Variants in BMPR2 observed in about 807,000 individuals in gnomAD.
BMPR2 encodes bone morphogenetic protein receptor type 2.
Under a neutral mutation model 100.8 loss-of-function variants are expected in BMPR2, and 29 were observed. The ratio of observed to expected loss-of-function variants is 0.29; its 90% CI spans 0.21 to 0.39. The LOEUF is 0.39. Among genes scored for constraint, BMPR2 ranks in the 10% least tolerant of loss-of-function variants. BMPR2 has a pLI of 1.00. For synonymous variants in BMPR2, 382 were observed against 442.3 expected (o/e 0.86, Z 1.71); for missense variants, 1,011 against 1,274.5 (o/e 0.79, Z 3.15).
In BMPR2 at chr2:202,385,913, G is replaced by A. The variant is rs191025748; in HGVS notation, c.76+8363G>A. Among the ~76,000 whole-genome samples, 3 of 152,178 alleles carry A rather than the reference G, an allele frequency of 2.0e-5. No individual in the cohort carries two copies. In the East Asian group the frequency reaches 5.8e-4, roughly 29 times the overall value. On this transcript the variant is annotated intron_variant, in intron 1 of 12. Transcript: ENST00000374580. ...CCATATTTAATACTTCTGTGCGTATGTCCTGCTTGTTGTTTGATTTATTTC... is the reference window on the plus strand; with the variant it reads ...CCATATTTAATACTTCTGTGCGTATATCCTGCTTGTTGTTTGATTTATTTC...
chr2:202,481,951 T>C (rs185736848), intron 3 of BMPR2, among the ~76,000 whole-genome samples: 14 of 152,334 alleles, frequency 9.2e-5, no homozygotes, highest in African/African-American at 3.1e-4. Context: ...CTTCAAGTAC[T>C]GAAACTCTAT....
rs1170817063 is a variant in BMPR2, at chr2:202,563,550, A to G, written c.*3604A>G. 6.6e-6 allele frequency: 1 copy of G among 152,244 alleles called. No individual in the cohort carries two copies. Among genetic ancestry groups the G allele is most frequent in the African/African-American group, 2.4e-5 (1 of 41,464 alleles). The allele number at this position is 152,244 out of a possible 1,614,324, so 9.4% of individuals were successfully genotyped here. A position where few individuals can be genotyped will look rare whatever the true frequency, so the allele number is the denominator to read the frequency against. On this transcript the variant is annotated 3_prime_UTR_variant, in exon 13 of 13. Coordinates refer to ENST00000374580, the MANE Select transcript of BMPR2 (RefSeq NM_001204.7). Reference sequence around the variant, plus strand: ...TTAGGCAAATATGAGATATGTAGACATATCTATGCTGATTGTTGCTTGAGA... The same window carrying G: ...TTAGGCAAATATGAGATATGTAGACGTATCTATGCTGATTGTTGCTTGAGA...
At chr2:202,512,966 T>TC (rs1313844758) in intron 3 of BMPR2, among the ~76,000 whole-genome samples, 1 of 151,516 alleles carries the variant, frequency 6.6e-6, no homozygotes, top group Non-Finnish European at 1.5e-5. Context: ...AACTTTAATT[T>TC]TTTTTTTTTT....
chr2:202,398,954 C>T (rs1218633709), intron 1 of BMPR2, among the ~76,000 whole-genome samples: 1 of 152,098 alleles, frequency 6.6e-6, no homozygotes, highest in African/African-American at 2.4e-5. Context: ...CATTGAGAAA[C>T]CCCGTCTCTA....
At chr2:202,461,915 C>T (rs1024607814) in intron 1 of BMPR2, among the ~76,000 whole-genome samples, 4 of 151,526 alleles carry the variant, frequency 2.6e-5, no homozygotes, top group Non-Finnish European at 4.4e-5. Flanking sequence ...CATTCAATTT[C>T]TTTTTTTATT....
chr2:202,417,469 A>G (rs1158257766), intron 1 of BMPR2, among the ~76,000 whole-genome samples: 2 of 151,762 alleles, frequency 1.3e-5, no homozygotes, highest in African/African-American at 4.8e-5. Flanking sequence ...TGCCCGTCTA[A>G]TTTTGTATTT....
chr2:202,535,761 C>G (rs1431677500), intron 9 of BMPR2, among the ~76,000 whole-genome samples: 1 of 152,162 alleles, frequency 6.6e-6, no homozygotes, highest in African/African-American at 2.4e-5. Context: ...TGTAGCGAGC[C>G]GAGATCACGC....
At chr2:202,507,034 T>C (rs934799601) in intron 3 of BMPR2, among the ~76,000 whole-genome samples, 3 of 149,802 alleles carry the variant, frequency 2.0e-5, no homozygotes, top group Non-Finnish European at 4.4e-5. Flanking sequence ...GATCGTGCCA[T>C]TGGACTCCAG....
rs191412756 is a variant in BMPR2 at position 202,503,656 on chromosome 2, C to T, written c.419-10063C>T. On this transcript the variant is annotated intron_variant, in intron 3 of 12. Transcript: ENST00000374580. The surrounding 1 kb of genome is among the most constrained non-coding windows in gnomAD (Gnocchi z 4.0). Reference sequence around the variant, plus strand: ...CCCGCCATGCCTGAGCCTCCCACCCCCTCCATGGGCCCCTGTGCGGCCCGA... The same window carrying T: ...CCCGCCATGCCTGAGCCTCCCACCCTCTCCATGGGCCCCTGTGCGGCCCGA... 2.6e-5 allele frequency among the ~76,000 whole-genome samples: 4 copies of T among 152,214 alleles called. No individual in the cohort carries two copies. The highest frequency in any genetic ancestry group is 9.6e-5 in the African/African-American group (4 of 41,464).
At chr2:202,450,429 TG>T (rs1402181586) in intron 1 of BMPR2, among the ~76,000 whole-genome samples, 1 of 152,162 alleles carries the variant, frequency 6.6e-6, no homozygotes, top group East Asian at 1.9e-4. Flanking sequence ...AGGTGGCTCA[TG>T]CTTGTAATCC....
intron 3 of BMPR2, among the ~76,000 whole-genome samples, chr2:202,499,796 A>G (rs1330665970): frequency 1.3e-5 from 2 of 152,218 alleles, no homozygotes; most frequent in African/African-American, 4.8e-5. Flanking sequence ...ACCAAGAGGA[A>G]CAGGCCCAAA....
rs1237754312 is a variant in BMPR2 at position 202,565,877 on chromosome 2, A to G, written c.*5931A>G. ...AACCTAGAAATTTATCTCATGGCAG[A>G]TACATTTGAAAGTACTTCAGAAGAA... On this transcript the variant is annotated 3_prime_UTR_variant, in exon 13 of 13. Coordinates refer to ENST00000374580, the MANE Select transcript of BMPR2 (RefSeq NM_001204.7). 2.0e-5 allele frequency: 3 copies of G among 152,326 alleles called. No individual in the cohort carries two copies. The highest frequency in any genetic ancestry group is 2.1e-4 in the South Asian group (1 of 4,830). 9.4% of individuals were successfully genotyped at this position (152,326 alleles called of 1,614,324 possible). A position where few individuals can be genotyped will look rare whatever the true frequency, so the allele number is the denominator to read the frequency against.
At chr2:202,455,462 A>G (rs1362955126) in intron 1 of BMPR2, among the ~76,000 whole-genome samples, 2 of 152,342 alleles carry the variant, frequency 1.3e-5, no homozygotes, top group East Asian at 1.9e-4. Context: ...TTCCATTTTC[A>G]CAGAAAATTA....
chr2:202,429,551 A>T (rs1290911775), intron 1 of BMPR2, among the ~76,000 whole-genome samples: 1 of 152,206 alleles, frequency 6.6e-6, no homozygotes, highest in Non-Finnish European at 1.5e-5. Context: ...CTGATATTTT[A>T]AAATATTCCT....
Position 202,462,431 on chromosome 2 carries a change from G to A in BMPR2, c.77-2378G>A, listed in dbSNP as rs749684910. Among the ~76,000 whole-genome samples the A allele has an allele frequency of 8.8e-4, 134 of 151,884 alleles. 3 individuals carry two copies. Among genetic ancestry groups the A allele is most frequent in the Non-Finnish European group, 2.1e-4 (14 of 67,958 alleles). On this transcript the variant is annotated intron_variant, in intron 1 of 12. Transcript: ENST00000374580. The stretch of plus-strand genomic sequence containing the variant: ...AGACGGGGTTTCACCATGTTGGCCC[G>A]GCTGGTCTCAAACTCCTGACCTCGT...
chr2:202,525,639 T>G (rs1687896340), intron 7 of BMPR2, among the ~76,000 whole-genome samples: 1 of 152,138 alleles, frequency 6.6e-6, no homozygotes, highest in South Asian at 2.1e-4. Flanking sequence ...CACACTTAGC[T>G]CCAAAAGAGG....
intron 1 of BMPR2, among the ~76,000 whole-genome samples, chr2:202,431,745 C>T (rs911286793): frequency 6.6e-6 from 1 of 150,408 alleles, no homozygotes; most frequent in African/African-American, 2.5e-5. Flanking sequence ...GTGTAGTAGG[C>T]TATACCATGT....
At chr2:202,410,679 ACAACATTCT>A in intron 1 of BMPR2, among the ~76,000 whole-genome samples, 1 of 152,102 alleles carries the variant, frequency 6.6e-6, no homozygotes, top group Non-Finnish European at 1.5e-5. Flanking sequence ...TCCCGGGTTC[ACAACATTCT>A]CCTTCCTCAG....
At chr2:202,385,361 CT>C (rs1161944548) in intron 1 of BMPR2, among the ~76,000 whole-genome samples, 1,701 of 86,284 alleles carry the variant, frequency 0.02, 12 homozygotes, top group East Asian at 0.089. Flanking sequence ...AAAAAAGATG[CT>C]TTTTTTTTTT....
Sources: allele counts gnomAD v4.1 joint callset (sites outside exome capture counted in the v4.1 genomes callset), GRCh38; gene constraint gnomAD v4.1.1; non-coding constraint Gnocchi (gnomAD v3.1); transcripts MANE v1.5; gene names NCBI Gene and HGNC (gene_info 2026-07-23, HGNC 2026-07-21).